Variants in PPP4R1 observed in about 807,000 individuals in gnomAD.
PPP4R1 encodes the protein protein phosphatase 4 regulatory subunit 1.
In PPP4R1, 42 loss-of-function variants were observed where a neutral mutation model predicts 111.2. The ratio of observed to expected loss-of-function variants is 0.38; its 90% confidence interval spans 0.29 to 0.49. PPP4R1 has a LOEUF of 0.49. PPP4R1 is among the 20% of genes least tolerant of loss of function. The pLI, the probability that PPP4R1 is intolerant of heterozygous loss-of-function variation, is 0.97. For synonymous variants in PPP4R1, 409 were observed against 405.5 expected (o/e 1.01, Z -0.10); for missense variants, 1,012 against 1,161.6 (o/e 0.87, Z 1.87).
At chr18:9,552,765 A>G (rs2066509411) in intron 16 of PPP4R1, among the ~76,000 whole-genome samples, 1 of 152,248 alleles carries the variant, frequency 6.6e-6, no homozygotes, top group African/African-American at 2.4e-5. Flanking sequence ...GTTCCTCAAC[A>G]GATGAATGCC....
At chr18:9,593,290 TAAATC>T (rs1303716076) in intron 4 of PPP4R1, among the ~76,000 whole-genome samples, 5 of 152,152 alleles carry the variant, frequency 3.3e-5, no homozygotes, top group African/African-American at 1.2e-4. Context: ...TTCTAAGCCT[TAAATC>T]AAGTTTACCT....
At chr18:9,554,860 T>C (rs1327016043) in intron 15 of PPP4R1, among the ~76,000 whole-genome samples, 1 of 152,250 alleles carries the variant, frequency 6.6e-6, no homozygotes, top group Non-Finnish European at 1.5e-5. Flanking sequence ...ACTAGTCAAA[T>C]TTGATGCTCA....
chr18:9,589,376 C>G (rs1392324111), intron 4 of PPP4R1, among the ~76,000 whole-genome samples: 1 of 152,062 alleles, frequency 6.6e-6, no homozygotes, highest in Non-Finnish European at 1.5e-5. Context: ...TGAAAAGACC[C>G]AAGTGCATAT....
At chr18:9,583,093 CA>C (rs1174311149) in intron 9 of PPP4R1, 23 bp downstream of exon 9, 57 of 1,561,956 alleles carry the variant, frequency 3.6e-5, no homozygotes, top group Non-Finnish European at 4.7e-5. Flanking sequence ...TATTATTTTA[CA>C]AAAGTGATAA....
rs765806145 is a variant in PPP4R1 at position 9,557,212 on chromosome 18, AAAAGT to A, written c.2190+4_2190+8del. ...GTTGTGTTTTTATGCAAAAAAATTT[AAAAGT>A]TACCTTCAGAAAATCATGCAAGTGT... On this transcript the variant is annotated splice_donor_5th_base_variant and intron_variant, in intron 15 of 19. Coordinates refer to ENST00000400556, the MANE Select transcript of PPP4R1 (RefSeq NM_001042388.3). 1.1e-5 allele frequency: 17 copies of A among 1,564,368 alleles called. No homozygotes were observed. The highest frequency in any genetic ancestry group is 1.4e-5 in the Non-Finnish European group (16 of 1,162,248).
At chr18:9,594,705 C>T in intron 3 of PPP4R1, 1 of 264,112 alleles carries the variant, frequency 3.8e-6, no homozygotes, top group Non-Finnish European at 7.4e-6. Context: ...AGGTATACAA[C>T]ATCATGTGTT....
intron 15 of PPP4R1, among the ~76,000 whole-genome samples, chr18:9,555,948 A>C (rs145809984): frequency 6.6e-6 from 1 of 151,364 alleles, no homozygotes; most frequent in East Asian, 2.0e-4. Flanking sequence ...CATCCTGGCC[A>C]ACACGGTGAA....
intron 12 of PPP4R1, among the ~76,000 whole-genome samples, chr18:9,562,460 A>G (rs2066693481): frequency 6.6e-6 from 1 of 152,222 alleles, no homozygotes; most frequent in South Asian, 2.1e-4. Context: ...GGCTGTTAAT[A>G]TCTAATTTCA....
At chr18:9,562,664 A>C (rs2066697506) in intron 12 of PPP4R1, among the ~76,000 whole-genome samples, 2 of 152,230 alleles carry the variant, frequency 1.3e-5, no homozygotes, top group South Asian at 4.1e-4. Flanking sequence ...AATGCACTAA[A>C]GCTCTAAGAA....
intron 10 of PPP4R1, among the ~76,000 whole-genome samples, chr18:9,576,820 G>A (rs551363310): frequency 1.3e-5 from 2 of 152,172 alleles, no homozygotes; most frequent in South Asian, 2.1e-4. Context: ...TCCTATGTGC[G>A]AGGCATCTAG....
chr18:9,597,641 T>C (rs377750806), intron 2 of PPP4R1, among the ~76,000 whole-genome samples: 1 of 152,170 alleles, frequency 6.6e-6, no homozygotes, highest in Non-Finnish European at 1.5e-5. Flanking sequence ...GCCTAAGAAG[T>C]GGCAAATAAT....
At chr18:9,586,102 AATTT>A (rs943176959) in intron 6 of PPP4R1, among the ~76,000 whole-genome samples, 1 of 152,052 alleles carries the variant, frequency 6.6e-6, no homozygotes, top group Non-Finnish European at 1.5e-5. Context: ...AGCATAACTA[AATTT>A]ATTTAAAAAT....
intron 2 of PPP4R1, among the ~76,000 whole-genome samples, chr18:9,613,331 T>C (rs556287476): frequency 2.0e-5 from 3 of 152,378 alleles, no homozygotes; most frequent in Non-Finnish European, 4.4e-5. Context: ...TAACTGCAAT[T>C]TGTCACTTCT....
Position 9,588,027 on chromosome 18 carries a change from T to C in PPP4R1, c.585+62A>G, listed in dbSNP as rs2067149325. The C allele has an allele frequency of 2.5e-6, 4 of 1,596,052 alleles. No homozygotes were observed. The South Asian group carries it at 4.5e-5, about 18-fold the overall frequency. ...CCACCGTGCCTAACCCCGGCCTGAC[T>C]TTTAATAAGCACCTCTTATCAGCCA... On this transcript the variant is annotated intron_variant, in intron 6 of 19. Transcript: ENST00000400556.
chr18:9,614,865 C>G (rs1016920933), upstream of PPP4R1: 10 of 150,304 alleles, frequency 6.7e-5, no homozygotes, highest in Admixed American at 5.3e-4. The surrounding 1 kb of genome is among the most constrained non-coding windows in gnomAD (Gnocchi z 4.1). Context: ...CCGGCCGGGA[C>G]CCTGCGGCGA....
rs1423400830 is a variant in PPP4R1 at position 9,581,601 on chromosome 18, T to G, written c.918+1516A>C. 2.0e-5 allele frequency among the ~76,000 whole-genome samples: 3 copies of G among 152,106 alleles called. No homozygotes were observed. The East Asian group carries it at 5.8e-4, about 29-fold the overall frequency. ...AATGTGGGCCATCATTAAGCACATTTAACATATACATAATGGGAATATTAG... is the reference window on the plus strand; with the variant it reads ...AATGTGGGCCATCATTAAGCACATTGAACATATACATAATGGGAATATTAG... On this transcript the variant is annotated intron_variant, in intron 9 of 19. Coordinates refer to ENST00000400556, the MANE Select transcript of PPP4R1 (RefSeq NM_001042388.3).
rs542562546 is a variant in PPP4R1 at position 9,593,066 on chromosome 18, C to T, written c.295+702G>A. ...CTTGTCTAAAAATTAAAAAATAGGG[C>T]TTGCTGAGATGCCAAAAAGTCTGTC... On this transcript the variant is annotated intron_variant, in intron 4 of 19. Coordinates refer to ENST00000400556, the MANE Select transcript of PPP4R1 (RefSeq NM_001042388.3). Among the ~76,000 whole-genome samples, 8 of 152,108 alleles carry T rather than the reference C, an allele frequency of 5.3e-5. No individual in the cohort carries two copies. In the South Asian group the frequency reaches 1.7e-3, roughly 31 times the overall value.
At chr18:9,551,108 G>A (rs893446337) in intron 16 of PPP4R1, 1 of 152,200 alleles carries the variant, frequency 6.6e-6, no homozygotes, top group Non-Finnish European at 1.5e-5. Context: ...TCCTCAAAGA[G>A]ACACACTTAT....
In PPP4R1 at chr18:9,561,988, T is replaced by C; in HGVS notation, c.1834A>G (p.Lys612Glu). Residue 612 changes from lysine (K) to glutamate (E), a missense_variant, in exon 13 of 20, where the codon AAA becomes GAA. Physicochemically the swap from Lys to Glu is moderately conservative, Grantham distance 56. This residue lies in a region of PPP4R1 where 707 missense variants were observed against 742.1 expected (regional missense o/e 0.95). Coordinates refer to ENST00000400556, the MANE Select transcript of PPP4R1 (RefSeq NM_001042388.3). Reference protein sequence around the residue: ...SFSPDEERRTKVQDVVPQALL... With the variant: ...SFSPDEERRTEVQDVVPQALL... ...ATTTTTTGGTCACTTACTTGTACTT[T>C]AGTTCTCCTTTCCTCATCAGGGCTA... The C allele has an allele frequency of 6.2e-7, 1 of 1,608,986 alleles. No homozygotes were observed. Among genetic ancestry groups the C allele is most frequent in the Non-Finnish European group, 8.5e-7 (1 of 1,175,500 alleles).
Sources: allele counts gnomAD v4.1 joint callset (sites outside exome capture counted in the v4.1 genomes callset), GRCh38; gene constraint gnomAD v4.1.1; regional missense constraint gnomAD v4.1.1; non-coding constraint Gnocchi (gnomAD v3.1); transcripts MANE v1.5; gene names NCBI Gene and HGNC (gene_info 2026-07-23, HGNC 2026-07-21).